EEFSEC: variants seen among roughly 807,000 people sequenced by gnomAD.
The protein encoded by EEFSEC is eukaryotic elongation factor, selenocysteine-tRNA specific, also known as selenocysteine-specific elongation factor.
In EEFSEC, 43 loss-of-function variants were observed where a neutral mutation model predicts 42.1. That is an observed-to-expected ratio of 1.02 (90% CI 0.80 to 1.32). The LOEUF (loss-of-function observed/expected upper bound fraction) is 1.32. Ranked by LOEUF, EEFSEC falls within the 40% of genes most tolerant of loss-of-function variation. The pLI is 0.00. For missense variants in EEFSEC, 745 were observed against 803.6 expected, an observed-to-expected ratio of 0.93 and a Z score of 0.88; for synonymous variants, 354 against 339.1, an observed-to-expected ratio of 1.04 and a Z score of -0.48.
intron 1 of EEFSEC, among the ~76,000 whole-genome samples, chr3:128,203,243 C>T (rs555580409): frequency 2.2e-4 from 33 of 152,290 alleles, no homozygotes; most frequent in African/African-American, 5.1e-4. Context: ...AATTTGTTGA[C>T]GGAAGTGATT....
chr3:128,287,069 A>C (rs527353792), intron 4 of EEFSEC, among the ~76,000 whole-genome samples: 1 of 152,344 alleles, frequency 6.6e-6, no homozygotes, highest in South Asian at 2.1e-4. Flanking sequence ...GCCTGTGAAC[A>C]AGGGTGGTTT....
At chr3:128,399,644 C>A (rs2107633868) in intron 6 of EEFSEC, among the ~76,000 whole-genome samples, 1 of 152,134 alleles carries the variant, frequency 6.6e-6, no homozygotes, top group African/African-American at 2.4e-5. Context: ...AACAGAAGAG[C>A]CCAGCCTGAC....
intron 1 of EEFSEC, among the ~76,000 whole-genome samples, chr3:128,160,491 G>A (rs1340703659): frequency 6.6e-6 from 1 of 152,162 alleles, no homozygotes; most frequent in African/African-American, 2.4e-5. Context: ...GAGCTCCTTG[G>A]AAGGCTGTTA....
intron 1 of EEFSEC, among the ~76,000 whole-genome samples, chr3:128,219,693 C>T (rs2065843966): frequency 6.6e-6 from 1 of 151,960 alleles, no homozygotes. Flanking sequence ...AGAATGTAAA[C>T]TCCATGAGGA....
intron 1 of EEFSEC, among the ~76,000 whole-genome samples, chr3:128,168,872 A>G (rs777717694): frequency 5.3e-5 from 8 of 152,164 alleles, no homozygotes; most frequent in South Asian, 2.1e-4. Context: ...CAGGATTCTT[A>G]GTGTCCTGAA....
intron 1 of EEFSEC, among the ~76,000 whole-genome samples, chr3:128,154,384 T>A (rs971619380): frequency 3.9e-5 from 6 of 152,076 alleles, no homozygotes; most frequent in Admixed American, 3.3e-4. Context: ...TACACAAAGC[T>A]ACATCATTCT....
intron 6 of EEFSEC, among the ~76,000 whole-genome samples, chr3:128,375,481 A>G (rs940810063): frequency 6.6e-6 from 1 of 152,176 alleles, no homozygotes; most frequent in African/African-American, 2.4e-5. Context: ...CATGCTTCGC[A>G]GTCGGTCTCC....
downstream of EEFSEC, among the ~76,000 whole-genome samples, chr3:128,410,660 A>C (rs2107644423): frequency 6.6e-6 from 1 of 152,260 alleles, no homozygotes; most frequent in East Asian, 1.9e-4. Context: ...GCCATGCCAG[A>C]GGGCTGCCCT....
At chr3:128,194,304 G>A (rs780908397) in intron 1 of EEFSEC, among the ~76,000 whole-genome samples, 1 of 152,210 alleles carries the variant, frequency 6.6e-6, no homozygotes, top group Non-Finnish European at 1.5e-5. Flanking sequence ...CTGGATTGAG[G>A]ATCTGTGCTG....
At chr3:128,275,180 C>T (rs1291118628) in intron 4 of EEFSEC, among the ~76,000 whole-genome samples, 1 of 152,160 alleles carries the variant, frequency 6.6e-6, no homozygotes, top group Non-Finnish European at 1.5e-5. Context: ...GGTTTCCTCT[C>T]CTGGGAAATG....
intron 1 of EEFSEC, among the ~76,000 whole-genome samples, chr3:128,207,584 C>G (rs936351352): frequency 2.6e-4 from 40 of 151,736 alleles, no homozygotes; most frequent in South Asian, 1.5e-3. Context: ...CACACACACA[C>G]ACACACACAC....
chr3:128,220,784 G>A (rs995176217), intron 1 of EEFSEC, among the ~76,000 whole-genome samples: 15 of 152,216 alleles, frequency 9.9e-5, no homozygotes, highest in African/African-American at 2.4e-4. Context: ...AACAGACCCG[G>A]CTTCAAGCCT....
chr3:128,246,801 T>C (rs1181551283), intron 1 of EEFSEC, 35 bp from the exon 2 acceptor site: 1 of 1,608,628 alleles, frequency 6.2e-7, no homozygotes, highest in African/African-American at 1.3e-5. Flanking sequence ...TCACCACCCC[T>C]TTTCCCTTTC....
intron 1 of EEFSEC, among the ~76,000 whole-genome samples, chr3:128,206,748 G>A (rs1332458883): frequency 6.6e-6 from 1 of 152,156 alleles, no homozygotes; most frequent in Admixed American, 6.5e-5. Context: ...TGTAAGGTAG[G>A]TGGGCTCCTC....
chr3:128,191,653 A>G (rs2065525635), intron 1 of EEFSEC, among the ~76,000 whole-genome samples: 1 of 152,054 alleles, frequency 6.6e-6, no homozygotes, highest in Non-Finnish European at 1.5e-5. Context: ...GGCATCCACC[A>G]TTCTACTTTT....
intron 4 of EEFSEC, among the ~76,000 whole-genome samples, chr3:128,277,930 C>T (rs897563364): frequency 1.3e-5 from 2 of 152,126 alleles, no homozygotes; most frequent in African/African-American, 4.8e-5. Flanking sequence ...AATGCAAAGG[C>T]CCCATGGTGG....
intron 1 of EEFSEC, among the ~76,000 whole-genome samples, chr3:128,159,033 A>G (rs1397459422): frequency 2.0e-5 from 3 of 152,230 alleles, no homozygotes; most frequent in Non-Finnish European, 4.4e-5. Context: ...GAATGCTGAG[A>G]CCAAGGCTGC....
intron 4 of EEFSEC, among the ~76,000 whole-genome samples, chr3:128,310,440 G>T (rs2066877355): frequency 6.6e-6 from 1 of 152,210 alleles, no homozygotes; most frequent in Non-Finnish European, 1.5e-5. Flanking sequence ...AATTGTACAA[G>T]GTCATAGCCA....
At chr3:128,163,761 G>A (rs13077913) in intron 1 of EEFSEC, among the ~76,000 whole-genome samples, 21,293 of 151,810 alleles carry the variant, frequency 0.14, 1,689 homozygotes, top group African/African-American at 0.21. Flanking sequence ...TGGATTGACC[G>A]GTCCTGGACA....
Sources: allele counts gnomAD v4.1 joint callset (sites outside exome capture counted in the v4.1 genomes callset), GRCh38; gene constraint gnomAD v4.1.1; transcripts MANE v1.5; gene names NCBI Gene and HGNC (gene_info 2026-07-23, HGNC 2026-07-21).